The following CYB5R4 variants were observed in gnomAD, a reference collection of about 807,000 sequenced individuals.
CYB5R4 encodes N-terminal cytochrome b5 and cytochrome b5 oxidoreductase domain-containing protein.
In CYB5R4, 55 loss-of-function variants were observed where a neutral mutation model predicts 70.2. The ratio of observed to expected loss-of-function variants is 0.78; its 90% CI spans 0.63 to 0.98. The LOEUF (loss-of-function observed/expected upper bound fraction) is 0.98. CYB5R4 is among the 50% of genes least tolerant of loss of function. The pLI, the probability that CYB5R4 is intolerant of heterozygous loss-of-function variation, is 0.00. For missense variants in CYB5R4, 562 were observed against 612.6 expected, an observed-to-expected ratio of 0.92 and a Z score of 0.87; for synonymous variants, 197 against 199.5, an observed-to-expected ratio of 0.99 and a Z score of 0.11.
At chr6:83,906,782 ATACTT>A (rs2099463843) in intron 3 of CYB5R4, among the ~76,000 whole-genome samples, 1 of 152,170 alleles carries the variant, frequency 6.6e-6, no homozygotes. Flanking sequence ...TCTTCTTTCT[ATACTT>A]TACATACTTA....
intron 10 of CYB5R4, among the ~76,000 whole-genome samples, chr6:83,925,938 T>G (rs1397830209): frequency 1.3e-5 from 2 of 152,210 alleles, no homozygotes; most frequent in Non-Finnish European, 2.9e-5. Flanking sequence ...CTTCTATAAA[T>G]CCTTTGATTT....
At chr6:83,904,533 G>A (rs1364055951) in intron 3 of CYB5R4, among the ~76,000 whole-genome samples, 3 of 152,292 alleles carry the variant, frequency 2.0e-5, no homozygotes, top group East Asian at 3.9e-4. Context: ...TTTTATAAAT[G>A]TCTGCTAGGT....
intron 2 of CYB5R4, among the ~76,000 whole-genome samples, chr6:83,883,223 A>G (rs550672097): frequency 2.6e-5 from 4 of 152,292 alleles, no homozygotes; most frequent in African/African-American, 9.6e-5. Context: ...ACAGGGACTC[A>G]GGGGCCTGTC....
chr6:83,940,828 T>C (rs780449740), intron 14 of CYB5R4, among the ~76,000 whole-genome samples: 9 of 152,158 alleles, frequency 5.9e-5, no homozygotes, highest in Non-Finnish European at 1.0e-4. Flanking sequence ...AAGATGCATA[T>C]TGGGCTTTAT....
intron 2 of CYB5R4, among the ~76,000 whole-genome samples, chr6:83,880,092 C>A (rs548423499): frequency 3.6e-4 from 55 of 152,144 alleles, no homozygotes; most frequent in African/African-American, 1.3e-3. Context: ...TACTGTTTTC[C>A]CACTTTTTAA....
intron 12 of CYB5R4, among the ~76,000 whole-genome samples, chr6:83,936,868 T>C (rs999062350): frequency 6.6e-6 from 1 of 152,242 alleles, no homozygotes; most frequent in African/African-American, 2.4e-5. Flanking sequence ...ACAAAAATAC[T>C]TGTGCTACTC....
intron 2 of CYB5R4, among the ~76,000 whole-genome samples, chr6:83,864,735 G>A (rs1379628558): frequency 1.3e-5 from 2 of 152,096 alleles, no homozygotes; most frequent in Non-Finnish European, 2.9e-5. Flanking sequence ...TGAAAGTCCT[G>A]CATTAAAGCC....
intron 14 of CYB5R4, among the ~76,000 whole-genome samples, chr6:83,954,908 T>C (rs1278491802): frequency 7.0e-6 from 1 of 142,256 alleles, no homozygotes; most frequent in African/African-American, 2.4e-5. Context: ...GTTGTTGTTG[T>C]TTTTGGGTTT....
At chr6:83,895,675 G>C (rs2099461774) in intron 3 of CYB5R4, among the ~76,000 whole-genome samples, 1 of 152,112 alleles carries the variant, frequency 6.6e-6, no homozygotes, top group Non-Finnish European at 1.5e-5. Flanking sequence ...AGGAAAGCTT[G>C]TTTTGGAGAA....
chr6:83,936,448 A>G, intron 12 of CYB5R4, 72 bp downstream of exon 12: 2 of 1,314,542 alleles, frequency 1.5e-6, no homozygotes, highest in Non-Finnish European at 1.1e-6. Flanking sequence ...AGTTATCTCC[A>G]TGTAGGAGTC....
At chr6:83,892,529 T>C (rs1165151454) in intron 2 of CYB5R4, among the ~76,000 whole-genome samples, 2 of 152,192 alleles carry the variant, frequency 1.3e-5, no homozygotes, top group Non-Finnish European at 2.9e-5. Context: ...ACTTACTTCC[T>C]TGGGAGAGCT....
intron 1 of CYB5R4, among the ~76,000 whole-genome samples, chr6:83,862,601 T>C (rs61761479): frequency 4.9e-4 from 74 of 152,286 alleles, no homozygotes; most frequent in African/African-American, 1.7e-3. Flanking sequence ...GAGCAAAAGT[T>C]AGAACATGGA....
At chr6:83,861,342 A>G (rs975655367) in intron 1 of CYB5R4, among the ~76,000 whole-genome samples, 2 of 152,246 alleles carry the variant, frequency 1.3e-5, no homozygotes, top group Admixed American at 1.3e-4. Context: ...GATGATGCTG[A>G]GAATGTAAAA....
chr6:83,927,815 G>A (rs1412016128), intron 10 of CYB5R4, among the ~76,000 whole-genome samples: 1 of 152,088 alleles, frequency 6.6e-6, no homozygotes, highest in East Asian at 1.9e-4. Context: ...AGCCTGTCCT[G>A]TCCTCAGAGG....
At chr6:83,918,214 ATGT>A (rs2099465813) in intron 6 of CYB5R4, 149 bp downstream of exon 6, 2 of 525,960 alleles carry the variant, frequency 3.8e-6, no homozygotes, top group Non-Finnish European at 6.9e-6. Context: ...CATTTATTAG[ATGT>A]TGTTGGAGAA....
intron 4 of CYB5R4, among the ~76,000 whole-genome samples, chr6:83,911,705 A>G (rs1198578859): frequency 6.6e-6 from 1 of 152,208 alleles, no homozygotes; most frequent in South Asian, 2.1e-4. Flanking sequence ...CTGTGCTTCA[A>G]TAACACCTCC....
At chr6:83,954,353 T>C (rs868120360) in intron 14 of CYB5R4, among the ~76,000 whole-genome samples, 40 of 152,330 alleles carry the variant, frequency 2.6e-4, no homozygotes, top group Middle Eastern at 3.4e-3. Flanking sequence ...CATGTGTCAC[T>C]GGTAATTGCT....
chr6:83,860,117 C>T (rs957344954), intron 1 of CYB5R4, among the ~76,000 whole-genome samples: 4 of 151,994 alleles, frequency 2.6e-5, no homozygotes, highest in Admixed American at 2.6e-4. Flanking sequence ...AAGTCCTTTC[C>T]CGCGATTTAA....
chr6:83,935,143 T>C (rs1168709767), intron 11 of CYB5R4, among the ~76,000 whole-genome samples: 2 of 152,330 alleles, frequency 1.3e-5, no homozygotes, highest in East Asian at 3.9e-4. Flanking sequence ...AATAAGTGAA[T>C]GATTGGAAAT....
Sources: gnomAD v4.1 joint callset for allele counts (sites outside exome capture counted in the v4.1 genomes callset) on GRCh38, gnomAD v4.1.1 for gene constraint, MANE v1.5 for transcripts, NCBI Gene and HGNC (gene_info 2026-07-23, HGNC 2026-07-21) for gene names.